Variants in CEP89 observed in about 807,000 individuals in gnomAD.
CEP89 encodes centrosomal protein 89.
In CEP89, 95 loss-of-function variants were observed where a neutral mutation model predicts 97.6. The ratio of observed to expected loss-of-function variants is 0.97; its 90% confidence interval spans 0.82 to 1.15. CEP89 has a LOEUF of 1.15. Among genes scored for constraint, CEP89 ranks in the 50% most tolerant of loss-of-function variants. The pLI is 0.00. For synonymous variants in CEP89, 354 were observed against 349.1 expected (o/e 1.01, Z -0.16); for missense variants, 869 against 947.7 (o/e 0.92, Z 1.09).
chr19:32,933,865 GGGGAGGCCAGAAA>G (rs901597096), intron 7 of CEP89, among the ~76,000 whole-genome samples, 196 bp from the exon 8 acceptor site: 7 of 152,184 alleles, frequency 4.6e-5, no homozygotes, highest in Non-Finnish European at 8.8e-5. Context: ...GAGGTACTGA[GGGGAGGCCAGAAA>G]GGGAGGCCAG....
intron 1 of CEP89, chr19:32,971,592 G>A: frequency 3.4e-6 from 2 of 586,784 alleles, no homozygotes; most frequent in Non-Finnish European, 3.0e-6. Context: ...AGGAGTTCGA[G>A]GATGCAGTGA....
intron 14 of CEP89, among the ~76,000 whole-genome samples, chr19:32,901,864 A>G (rs1969778912): frequency 6.6e-6 from 1 of 152,172 alleles, no homozygotes; most frequent in Non-Finnish European, 1.5e-5. Context: ...GGCTCAAGTG[A>G]TCCTCCTGCC....
At chr19:32,950,376 T>C (rs1970885506) in intron 4 of CEP89, among the ~76,000 whole-genome samples, 1 of 152,116 alleles carries the variant, frequency 6.6e-6, no homozygotes, top group African/African-American at 2.4e-5. Context: ...CTGATCAACA[T>C]GGAGAAACCT....
intron 18 of CEP89, among the ~76,000 whole-genome samples, chr19:32,881,461 C>T (rs1187398510): frequency 3.3e-5 from 5 of 151,204 alleles, no homozygotes; most frequent in Admixed American, 2.6e-4. Flanking sequence ...ATCCGGGAGG[C>T]GGAGGTTGCA....
intron 5 of CEP89, among the ~76,000 whole-genome samples, chr19:32,942,948 C>A (rs934452146): frequency 6.6e-6 from 1 of 151,324 alleles, no homozygotes; most frequent in African/African-American, 2.4e-5. Flanking sequence ...CGAGCTCAAG[C>A]GATCTTCCTG....
chr19:32,900,031 G>A (rs752702376), intron 15 of CEP89, 33 bp from the exon 16 acceptor site: 1 of 1,610,182 alleles, frequency 6.2e-7, no homozygotes, highest in Non-Finnish European at 8.5e-7. Context: ...AGAATAAAAA[G>A]CCCATTAGTT....
Position 32,879,114 on chromosome 19 carries a change from G to A in CEP89, c.*48C>T. 3 of 1,480,518 alleles carry A rather than the reference G, an allele frequency of 2.0e-6. No individual in the cohort carries two copies. The highest frequency in any genetic ancestry group is 1.8e-6 in the Non-Finnish European group (2 of 1,086,856). 91.7% of individuals were successfully genotyped at this position (1,480,518 alleles called of 1,614,324 possible). A position where few individuals can be genotyped will look rare whatever the true frequency, so the allele number is the denominator to read the frequency against. On this transcript the variant is annotated 3_prime_UTR_variant, in exon 19 of 19. Coordinates refer to ENST00000305768, the MANE Select transcript of CEP89 (RefSeq NM_032816.5). ...GCCCTGCAGGGAAGGCCTGTGTGAG[G>A]CAGACCTTTCAGGCCAGAGGAGGCT...
chr19:32,890,548 G>GA (rs2145875232), intron 16 of CEP89, among the ~76,000 whole-genome samples: 1 of 152,286 alleles, frequency 6.6e-6, no homozygotes, highest in South Asian at 2.1e-4. Flanking sequence ...CGGAGACCAC[G>GA]GGAACTCGAC....
chr19:32,960,547 T>C (rs1020084909), intron 2 of CEP89, among the ~76,000 whole-genome samples: 1 of 152,110 alleles, frequency 6.6e-6, no homozygotes, highest in Admixed American at 6.5e-5. Flanking sequence ...CGGTGGCTCA[T>C]GCTTATAATC....
chr19:32,925,485 C>CTTT (rs67751450), intron 11 of CEP89, among the ~76,000 whole-genome samples: 8 of 120,104 alleles, frequency 6.7e-5, no homozygotes, highest in African/African-American at 1.4e-4. Flanking sequence ...CCAAATAGCC[C>CTTT]TTTTTTTTTT....
rs377164235 is a variant in CEP89, at chr19:32,906,449, G to T, written c.1566-5037C>A. Among the ~76,000 whole-genome samples, 5 of 152,146 alleles carry T rather than the reference G, an allele frequency of 3.3e-5. No homozygotes were observed. The East Asian group carries it at 7.7e-4, about 24-fold the overall frequency. ...TTAGAACACAAACTCCATGTGCCTT[G>T]TGCCTGATTATATGCTATTATTGTT... On this transcript the variant is annotated intron_variant, in intron 14 of 18. Transcript: ENST00000305768.
At chr19:32,907,760 T>A (rs1969919037) in intron 14 of CEP89, among the ~76,000 whole-genome samples, 1 of 152,194 alleles carries the variant, frequency 6.6e-6, no homozygotes, top group Non-Finnish European at 1.5e-5. Context: ...CCAATTTTTG[T>A]AATTTTAGTA....
intron 5 of CEP89, among the ~76,000 whole-genome samples, chr19:32,947,279 T>G (rs973025903): frequency 2.0e-5 from 3 of 152,142 alleles, no homozygotes; most frequent in Non-Finnish European, 2.9e-5. Context: ...TAGATATATG[T>G]CCACGTACTC....
intron 2 of CEP89, among the ~76,000 whole-genome samples, chr19:32,962,577 G>A (rs1276835763): frequency 2.0e-5 from 3 of 152,268 alleles, no homozygotes; most frequent in South Asian, 4.1e-4. Context: ...TCTTCAATAT[G>A]AGATACTGAA....
intron 2 of CEP89, among the ~76,000 whole-genome samples, chr19:32,964,623 G>A (rs186690268): frequency 1.3e-5 from 2 of 152,254 alleles, no homozygotes; most frequent in East Asian, 1.9e-4. Context: ...ATTGACTTTC[G>A]GAACACGCGT....
intron 3 of CEP89, among the ~76,000 whole-genome samples, chr19:32,954,596 G>A (rs965710130): frequency 1.1e-4 from 17 of 151,268 alleles, no homozygotes; most frequent in Non-Finnish European, 2.2e-4. Context: ...CAAGGGATCC[G>A]CCTGCCTCAG....
At chr19:32,927,085 C>T in intron 9 of CEP89, 101 bp from the exon 10 acceptor site, 1 of 1,063,252 alleles carries the variant, frequency 9.4e-7, no homozygotes, top group Non-Finnish European at 1.4e-6. Context: ...CCCATCTATG[C>T]ATTTATCTGT....
At chr19:32,889,750 C>T (rs766485676) in intron 16 of CEP89, among the ~76,000 whole-genome samples, 60 of 152,264 alleles carry the variant, frequency 3.9e-4, no homozygotes, top group Middle Eastern at 3.4e-3. Flanking sequence ...GACGGCTTTG[C>T]GTTTACAGTG....
rs150480911 is a variant in CEP89 at position 32,966,847 on chromosome 19, G to A, written c.40-381C>T. On this transcript the variant is annotated intron_variant, in intron 1 of 18. Transcript: ENST00000305768. Reference sequence around the variant, plus strand: ...GCAAGTGATATCCTTATTGTTTTTCGCTTTGTTTTGTTTTTGAGATGGGGT... The same window carrying A: ...GCAAGTGATATCCTTATTGTTTTTCACTTTGTTTTGTTTTTGAGATGGGGT... Among the ~76,000 whole-genome samples, 439 of 152,172 alleles carry A rather than the reference G, an allele frequency of 2.9e-3. 2 individuals carry two copies. The highest frequency in any genetic ancestry group is 0.01 in the African/African-American group (419 of 41,524).
Sources: allele counts gnomAD v4.1 joint callset (sites outside exome capture counted in the v4.1 genomes callset), GRCh38; gene constraint gnomAD v4.1.1; transcripts MANE v1.5; gene names NCBI Gene and HGNC (gene_info 2026-07-23, HGNC 2026-07-21).